SYNE1: variants seen among roughly 807,000 people sequenced by gnomAD.
The protein encoded by SYNE1 is nesprin-1.
Under a neutral mutation model 1,111.0 loss-of-function variants are expected in SYNE1, and 616 were observed. The ratio of observed to expected loss-of-function variants is 0.55; its 90% CI spans 0.52 to 0.59. SYNE1 has a LOEUF of 0.59. Among genes scored for constraint, SYNE1 ranks in the 20% least tolerant of loss-of-function variants. The probability of loss-of-function intolerance (pLI) is 0.00; values close to 1 mark genes in which losing one functional copy is unlikely to be tolerated. For missense variants in SYNE1, 10,006 were observed against 10,417.0 expected, an observed-to-expected ratio of 0.96 and a Z score of 1.72; for synonymous variants, 3,855 against 3,825.8, an observed-to-expected ratio of 1.01 and a Z score of -0.28.
At chr6:152,575,676 T>G (rs1469650067) in intron 3 of SYNE1, among the ~76,000 whole-genome samples, 1 of 152,204 alleles carries the variant, frequency 6.6e-6, no homozygotes, top group African/African-American at 2.4e-5. Flanking sequence ...TTGCCACAAC[T>G]TACTAGCTAT....
chr6:152,281,369 T>C (rs1241725258), intron 97 of SYNE1, among the ~76,000 whole-genome samples: 1 of 152,206 alleles, frequency 6.6e-6, no homozygotes, highest in Non-Finnish European at 1.5e-5. Flanking sequence ...AGTCTCCCTG[T>C]TTGCCTAAAA....
rs111309750 is a variant in SYNE1, at chr6:152,510,175, C to T, written c.581+18G>A. The stretch of plus-strand genomic sequence containing the variant: ...TCAATTTAACGGTTTCAAATTTAGA[C>T]AAACTCTTGATACTTACTTGCCAGC... On this transcript the variant is annotated intron_variant, in intron 8 of 145. Coordinates refer to ENST00000367255, the MANE Select transcript of SYNE1 (RefSeq NM_182961.4). 1.8e-4 allele frequency: 298 copies of T among 1,613,284 alleles called. 1 individual carries two copies. The African/African-American group carries it at 3.3e-3, about 18-fold the overall frequency.
chr6:152,364,686 G>GAGGAAGGAAGGAAGGAAGGAAGGAAGGA (rs138395598), intron 63 of SYNE1, among the ~76,000 whole-genome samples, 161 bp downstream of exon 63: 3 of 108,012 alleles, frequency 2.8e-5, no homozygotes, highest in African/African-American at 1.1e-4. Flanking sequence ...AAGGAGGAAG[G>GAGGAAGGAAGGAAGGAAGGAAGGAAGGA]AGGAAGGAAG....
intron 140 of SYNE1, among the ~76,000 whole-genome samples, chr6:152,137,461 G>A (rs2057344663): frequency 6.6e-6 from 1 of 152,240 alleles, no homozygotes; most frequent in Non-Finnish European, 1.5e-5. Flanking sequence ...CCACACTGAT[G>A]TGAAGGTAGA....
chr6:152,381,287 T>C lies in SYNE1; in HGVS notation c.8728A>G (p.Asn2910Asp), dbSNP rs886044543. 4 of 1,614,190 alleles carry C rather than the reference T, an allele frequency of 2.5e-6. No individual in the cohort carries two copies. The highest frequency in any genetic ancestry group is 2.5e-6 in the Non-Finnish European group (3 of 1,180,040). Residue 2910 changes from asparagine (N) to aspartate (D), a missense_variant, in exon 56 of 146, where the codon AAC (asparagine) becomes GAC (aspartate). This residue lies in a region of SYNE1 where 4,955 missense variants were observed against 5,017.2 expected (regional missense o/e 0.99). Coordinates refer to ENST00000367255, the MANE Select transcript of SYNE1 (RefSeq NM_182961.4). Reference sequence around the variant, plus strand: ...AGCTCACACCCACTGGCAGTTGTGTTCTGTTTCACTTCGGGAGCCAGCGAC... The same window carrying C: ...AGCTCACACCCACTGGCAGTTGTGTCCTGTTTCACTTCGGGAGCCAGCGAC... Reference protein sequence around the residue: ...VESLAPEVKQNTTASGCELMH... With the variant: ...VESLAPEVKQDTTASGCELMH...
chr6:152,510,206 A>G lies in SYNE1; in HGVS notation c.568T>C (p.Tyr190His), dbSNP rs765335555. ...CTTGATACTTACTTGCCAGCTGTGT[A>G]CTGAACCCACTTTAATAAAGCCTTC... ...AKKALLKWVQ[Y>H]TAGKQTGIEV... The change falls in exon 8 of 146, where the codon TAC becomes CAC. Residue 190 changes from tyrosine to histidine, a missense_variant. Tyr to His is a moderately conservative substitution (Grantham distance 83). Around this residue, in one of 7 missense-constraint regions of SYNE1, gnomAD observed 1,971 missense variants for 2,084.1 expected, o/e 0.95. Coordinates refer to ENST00000367255, the MANE Select transcript of SYNE1 (RefSeq NM_182961.4). The G allele has an allele frequency of 1.2e-6, 2 of 1,613,820 alleles. No individual in the cohort carries two copies. The highest frequency in any genetic ancestry group is 1.7e-6 in the Non-Finnish European group (2 of 1,179,942).
rs1489111334 is a variant in SYNE1 at position 152,253,813 on chromosome 6, GTTTGGTTTTTTTTTTTTTTTTTT to G, written c.19470+1044_19470+1066del. 4.4e-3 allele frequency among the ~76,000 whole-genome samples: 146 copies of G among 33,228 alleles called. 7 individuals are homozygous for G. The East Asian group carries it at 0.056, about 13-fold the overall frequency. The allele number at this position is 33,228 out of a possible 152,430, so 21.8% of individuals were successfully genotyped here. ...GCTAATGCTACATTTATGTGTAGTG[GTTTGGTTTTTTTTTTTTTTTTTT>G]TTTTTTTTTTTTTTTTTTTTTTTTG... On this transcript the variant is annotated intron_variant, in intron 104 of 145. Transcript: ENST00000367255.
chr6:152,512,516 G>T (rs2099090184), intron 6 of SYNE1, among the ~76,000 whole-genome samples: 1 of 151,970 alleles, frequency 6.6e-6, no homozygotes, highest in African/African-American at 2.4e-5. Flanking sequence ...TATAATATAT[G>T]CTAATATCCA....
intron 128 of SYNE1, among the ~76,000 whole-genome samples, chr6:152,188,953 GTCTC>G (rs2071112928): frequency 2.4e-5 from 1 of 41,672 alleles, no homozygotes; most frequent in Non-Finnish European, 4.1e-5. Context: ...GTGAGACTCT[GTCTC>G]AAAAAAAAAA....
intron 28 of SYNE1, among the ~76,000 whole-genome samples, chr6:152,448,616 C>T (rs1053157415): frequency 6.6e-6 from 1 of 152,046 alleles, no homozygotes; most frequent in South Asian, 2.1e-4. Flanking sequence ...CCGAGCAGGG[C>T]GGATCGCTTG....
At chr6:152,423,809 C>T (rs1452140909) in intron 39 of SYNE1, among the ~76,000 whole-genome samples, 9 of 152,200 alleles carry the variant, frequency 5.9e-5, no homozygotes. Context: ...AAAACCAACT[C>T]ATTACTGCCT....
At chr6:152,562,524 G>A (rs1185230031) in intron 3 of SYNE1, among the ~76,000 whole-genome samples, 1 of 152,162 alleles carries the variant, frequency 6.6e-6, no homozygotes, top group East Asian at 1.9e-4. Context: ...AGTACCATAT[G>A]ATCCAATAGT....
At chr6:152,408,859 C>G (rs1006210840) in intron 44 of SYNE1, among the ~76,000 whole-genome samples, 4 of 151,622 alleles carry the variant, frequency 2.6e-5, no homozygotes, top group African/African-American at 9.7e-5. Flanking sequence ...GGGGCTGAGG[C>G]AGGAGAATCG....
At chr6:152,579,924 G>T (rs963078691) in intron 3 of SYNE1, among the ~76,000 whole-genome samples, 1 of 152,030 alleles carries the variant, frequency 6.6e-6, no homozygotes, top group African/African-American at 2.4e-5. Context: ...GTCCATCATC[G>T]ATGGGCCGAT....
At chr6:152,142,522 C>T (rs1349895602) in intron 138 of SYNE1, among the ~76,000 whole-genome samples, 1 of 152,198 alleles carries the variant, frequency 6.6e-6, no homozygotes, top group Non-Finnish European at 1.5e-5. Flanking sequence ...TTTAATATCA[C>T]ATACAGTATT....
At chr6:152,562,615 A>G (rs2099398639) in intron 3 of SYNE1, among the ~76,000 whole-genome samples, 1 of 152,170 alleles carries the variant, frequency 6.6e-6, no homozygotes. Context: ...CCTGCACACT[A>G]TTCACAACAG....
At chr6:152,547,293 G>T (rs1026960219) in intron 3 of SYNE1, among the ~76,000 whole-genome samples, 3 of 152,256 alleles carry the variant, frequency 2.0e-5, no homozygotes, top group Non-Finnish European at 2.9e-5. Flanking sequence ...ATATGGCATT[G>T]GTCTTGCGAC....
intron 3 of SYNE1, among the ~76,000 whole-genome samples, chr6:152,559,721 G>A (rs150892434): frequency 3.4e-4 from 52 of 152,128 alleles, no homozygotes; most frequent in African/African-American, 1.1e-3. Context: ...ACCTCAAGGA[G>A]CTAGCAAAAA....
At chr6:152,360,180 C>G (rs148821639) in intron 64 of SYNE1, among the ~76,000 whole-genome samples, 1 of 152,116 alleles carries the variant, frequency 6.6e-6, no homozygotes, top group African/African-American at 2.4e-5. Flanking sequence ...CCAATGCTGC[C>G]GGGATCAAGT....
Sources: allele counts gnomAD v4.1 joint callset (sites outside exome capture counted in the v4.1 genomes callset), GRCh38; gene constraint gnomAD v4.1.1; regional missense constraint gnomAD v4.1.1; transcripts MANE v1.5; gene names NCBI Gene and HGNC (gene_info 2026-07-23, HGNC 2026-07-21).